Variants in CDKL1 observed in about 807,000 individuals in gnomAD.
The protein encoded by CDKL1 is cyclin dependent kinase like 1, also known as cyclin-dependent kinase-like 1.
CDKL1 carries 41 observed loss-of-function variants against 42.0 expected under a neutral mutation model. The observed-to-expected ratio is 0.98, with a 90% CI of 0.76 to 1.27. The LOEUF (loss-of-function observed/expected upper bound fraction) is 1.27. Ranked by LOEUF, CDKL1 falls within the 50% of genes most tolerant of loss-of-function variation. The pLI is 0.00. For synonymous variants in CDKL1, 153 were observed against 158.6 expected (o/e 0.96, Z 0.26); for missense variants, 394 against 428.4 (o/e 0.92, Z 0.71).
At chr14:50,331,990 CAT>C in intron 9 of CDKL1, 1 of 1,510,944 alleles carries the variant, frequency 6.6e-7, no homozygotes. Context: ...GACTCATACT[CAT>C]GTACCTTGTT....
chr14:50,338,098 T>C (rs752669248), intron 7 of CDKL1, among the ~76,000 whole-genome samples: 6 of 152,224 alleles, frequency 3.9e-5, no homozygotes, highest in Non-Finnish European at 4.4e-5. Context: ...GAATAAATTG[T>C]TGGAAGTGGA....
At chr14:50,330,400 A>T in intron 9 of CDKL1, 1 of 478,588 alleles carries the variant, frequency 2.1e-6, no homozygotes. Flanking sequence ...ATTAAAGAAG[A>T]TTTAGAGAAT....
Position 50,332,349 on chromosome 14 carries a change from T to A in CDKL1, c.879A>T (p.Ile293=). 6.2e-7 allele frequency: 1 copy of A among 1,614,256 alleles called. No homozygotes were observed. The highest frequency in any genetic ancestry group is 2.2e-5 in the East Asian group (1 of 44,892). The change falls in exon 9 of 10, where the codon ATA becomes ATT. Residue 293 remains isoleucine, a synonymous_variant. Transcript: ENST00000395834. The part of the protein sequence containing the change: ...HHPYFENIRE[I]EDLAKEHNKP... ...TGTTGTGTTCTTTTGCCAAATCCTC[T>A]ATTTCTCTGATGTTTTCAAAATATG...
chr14:50,340,564 A>G (rs933417959), intron 6 of CDKL1, among the ~76,000 whole-genome samples: 1 of 152,296 alleles, frequency 6.6e-6, no homozygotes. Flanking sequence ...ACTGAGTGAC[A>G]TTACAACTAG....
chr14:50,377,642 G>A (rs1368442388), intron 2 of CDKL1: 2 of 1,265,640 alleles, frequency 1.6e-6, no homozygotes, highest in Non-Finnish European at 2.0e-6. Context: ...GATAAGTGGG[G>A]TGGGAGGAGC....
upstream of CDKL1, chr14:50,396,919 C>T (rs1158670908): frequency 6.5e-6 from 2 of 305,814 alleles, no homozygotes; most frequent in South Asian, 3.7e-5. Context: ...CTATGGGAAC[C>T]GGCTCCCGCC....
In CDKL1 at chr14:50,395,994, G is replaced by A. The variant is rs1446515092; in HGVS notation, c.-126C>T. 3 of 1,040,296 alleles carry A rather than the reference G, an allele frequency of 2.9e-6. No individual in the cohort carries two copies. In the East Asian group the frequency reaches 7.9e-5, roughly 27 times the overall value. The allele number at this position is 1,040,296 out of a possible 1,614,324, so 64.4% of individuals were successfully genotyped here. On this transcript the variant is annotated 5_prime_UTR_variant, in exon 2 of 10. Transcript: ENST00000395834. ...GAGGTCAGGAGTTCGAGACCAGTCT[G>A]GCCAACATACTGAAACTCCGTCTCT...
chr14:50,326,448 T>G lies in CDKL1; in HGVS notation c.*3626A>C. On this transcript the variant is annotated 3_prime_UTR_variant, in exon 10 of 10. Coordinates refer to ENST00000395834, the MANE Select transcript of CDKL1 (RefSeq NM_004196.7). The stretch of plus-strand genomic sequence containing the variant: ...CAATTATGAAAAATTAGAAGCTAAA[T>G]TACAGATTCATTGATGGAGTCAATT... 1.0e-6 allele frequency: 1 copy of G among 984,952 alleles called. No individual in the cohort carries two copies. Among genetic ancestry groups the G allele is most frequent in the Non-Finnish European group, 1.2e-6 (1 of 829,560 alleles). The allele number at this position is 984,952 out of a possible 1,614,324, so 61.0% of individuals were successfully genotyped here.
At chr14:50,349,930 A>C (rs1034242725) in intron 3 of CDKL1, among the ~76,000 whole-genome samples, 2 of 152,076 alleles carry the variant, frequency 1.3e-5, no homozygotes, top group African/African-American at 4.8e-5. Flanking sequence ...CACCACACCC[A>C]GCTAATTTTT....
chr14:50,330,944 A>C (rs543331403), intron 9 of CDKL1: 1 of 150,760 alleles, frequency 6.6e-6, no homozygotes, highest in Middle Eastern at 3.4e-3. Context: ...ATTTAAAAGC[A>C]GTACACCAGG....
chr14:50,361,018 A>G (rs1345674544), intron 2 of CDKL1, among the ~76,000 whole-genome samples: 1 of 152,200 alleles, frequency 6.6e-6, no homozygotes, highest in Non-Finnish European at 1.5e-5. Context: ...ATGTACAAAT[A>G]TGTTTTTGAG....
intron 3 of CDKL1, among the ~76,000 whole-genome samples, chr14:50,356,334 C>G (rs1322827618): frequency 6.6e-6 from 1 of 152,170 alleles, no homozygotes; most frequent in African/African-American, 2.4e-5. Context: ...CACCTGTAAG[C>G]AATTTGCCCA....
chr14:50,359,797 T>TGAAA (rs368034175), intron 2 of CDKL1, among the ~76,000 whole-genome samples: 86 of 120,896 alleles, frequency 7.1e-4, no homozygotes, highest in African/African-American at 2.6e-3. Flanking sequence ...GTGTCTAGAT[T>TGAAA]AAAAAAAAAA....
At chr14:50,393,649 A>T (rs2035321075) in intron 2 of CDKL1, among the ~76,000 whole-genome samples, 1 of 152,176 alleles carries the variant, frequency 6.6e-6, no homozygotes, top group African/African-American at 2.4e-5. Flanking sequence ...TGCCCAGCCT[A>T]GTACGTATTA....
At chr14:50,363,011 C>CTTGA (rs1159622315) in intron 2 of CDKL1, 2 of 456,430 alleles carry the variant, frequency 4.4e-6, no homozygotes. Flanking sequence ...CAGCTTCACT[C>CTTGA]TTGAAGCCAG....
chr14:50,337,078 G>A (rs1053747355), intron 7 of CDKL1, among the ~76,000 whole-genome samples: 4 of 151,654 alleles, frequency 2.6e-5, no homozygotes, highest in Non-Finnish European at 5.9e-5. Flanking sequence ...ACGTGATCTC[G>A]GCTCACTGCA....
intron 9 of CDKL1, 27 bp downstream of exon 9, chr14:50,332,235 A>T (rs747083127): frequency 6.2e-7 from 1 of 1,614,210 alleles, no homozygotes; most frequent in Non-Finnish European, 8.5e-7. Context: ...ACCAGGTGGC[A>T]GGTAGGAGAT....
At chr14:50,335,961 C>G in intron 7 of CDKL1, 1 of 1,363,926 alleles carries the variant, frequency 7.3e-7, no homozygotes, top group Admixed American at 1.9e-5. Context: ...TAGCCCTTGA[C>G]AGTAGCCCCT....
chr14:50,348,758 A>G (rs2033808384), intron 3 of CDKL1, among the ~76,000 whole-genome samples: 1 of 152,226 alleles, frequency 6.6e-6, no homozygotes, highest in Non-Finnish European at 1.5e-5. Context: ...AAAGCCTCTA[A>G]TAAGAAAGTA....
Sources: gnomAD v4.1 joint callset for allele counts (sites outside exome capture counted in the v4.1 genomes callset) on GRCh38, gnomAD v4.1.1 for gene constraint, MANE v1.5 for transcripts, NCBI Gene and HGNC (gene_info 2026-07-23, HGNC 2026-07-21) for gene names.